Variants in FIP1L1 observed in about 807,000 individuals in gnomAD.
The protein encoded by FIP1L1 is pre-mRNA 3'-end-processing factor FIP1.
A neutral mutation model predicts 84.6 loss-of-function variants in FIP1L1; 21 were observed. The ratio of observed to expected loss-of-function variants is 0.25; its 90% CI spans 0.18 to 0.36. The LOEUF is 0.36. FIP1L1 is among the 10% of genes least tolerant of loss of function. The probability of loss-of-function intolerance (pLI) is 1.00; values close to 1 mark genes in which losing one functional copy is unlikely to be tolerated. For missense variants in FIP1L1, 526 were observed against 751.1 expected (o/e 0.70, Z 3.50); for synonymous variants, 263 against 242.3 (o/e 1.09, Z -0.80).
chr4:53,390,748 A>C (rs1743837392), intron 7 of FIP1L1, 120 bp downstream of exon 7: 1 of 666,596 alleles, frequency 1.5e-6, no homozygotes, highest in Non-Finnish European at 2.5e-6. Context: ...TCTTAAGCAA[A>C]TGATGAGTAA....
chr4:53,458,315 TAAC>T (rs1057339763), intron 16 of FIP1L1, among the ~76,000 whole-genome samples: 13 of 152,116 alleles, frequency 8.5e-5, no homozygotes, highest in Non-Finnish European at 1.6e-4. Context: ...TAAAAGCTGA[TAAC>T]AATTTAAATC....
At chr4:53,400,451 T>A (rs1749641452) in intron 10 of FIP1L1, among the ~76,000 whole-genome samples, 2 of 152,196 alleles carry the variant, frequency 1.3e-5, no homozygotes, top group African/African-American at 4.8e-5. Flanking sequence ...AGGCTAAGAC[T>A]AGCGAAGTTT....
intron 4 of FIP1L1, 60 bp from the exon 5 acceptor site, chr4:53,383,713 A>G: frequency 7.0e-7 from 1 of 1,438,280 alleles, no homozygotes; most frequent in Non-Finnish European, 9.3e-7. Flanking sequence ...TTTAGTTATT[A>G]GTATTAGATG....
chr4:53,426,565 T>C (rs546300858), intron 12 of FIP1L1, among the ~76,000 whole-genome samples: 1 of 152,064 alleles, frequency 6.6e-6, no homozygotes, highest in East Asian at 1.9e-4. Flanking sequence ...TGTATATAGG[T>C]TTACTGAATG....
intron 5 of FIP1L1, among the ~76,000 whole-genome samples, chr4:53,384,420 A>G (rs1739799334): frequency 6.6e-6 from 1 of 152,148 alleles, no homozygotes. Context: ...AGAAAAAGAA[A>G]AAAAAAAAGT....
intron 9 of FIP1L1, among the ~76,000 whole-genome samples, chr4:53,394,664 T>G (rs1490093900): frequency 6.6e-6 from 1 of 152,082 alleles, no homozygotes; most frequent in Non-Finnish European, 1.5e-5. Flanking sequence ...TTAATCTAAT[T>G]TCAAAGTTCT....
intron 13 of FIP1L1, among the ~76,000 whole-genome samples, chr4:53,432,516 T>G (rs1419545259): frequency 6.6e-6 from 1 of 152,062 alleles, no homozygotes; most frequent in Non-Finnish European, 1.5e-5. Flanking sequence ...ATAGTTTCCA[T>G]TGTATTAAGT....
intron 3 of FIP1L1, among the ~76,000 whole-genome samples, chr4:53,380,400 A>T (rs1427925757): frequency 2.0e-5 from 3 of 152,226 alleles, no homozygotes; most frequent in Non-Finnish European, 4.4e-5. Context: ...AGTGGTTACT[A>T]AGAGTTGGGT....
intron 5 of FIP1L1, among the ~76,000 whole-genome samples, chr4:53,385,894 T>G (rs571687989): frequency 6.6e-6 from 1 of 152,266 alleles, no homozygotes; most frequent in South Asian, 2.1e-4. Context: ...TCAAGGTATA[T>G]CCCTTGAAAA....
At chr4:53,411,789 A>G (rs1385755027) in intron 10 of FIP1L1, among the ~76,000 whole-genome samples, 1 of 152,166 alleles carries the variant, frequency 6.6e-6, no homozygotes, top group Non-Finnish European at 1.5e-5. Context: ...GTACCCATCA[A>G]ATTGGCACTG....
intron 13 of FIP1L1, among the ~76,000 whole-genome samples, chr4:53,433,943 G>GA (rs1209379722): frequency 6.6e-6 from 1 of 151,478 alleles, no homozygotes; most frequent in African/African-American, 2.4e-5. Context: ...TGATATATAG[G>GA]AATCGGGTCA....
At chr4:53,428,291 A>G (rs1384717301) in intron 13 of FIP1L1, 108 bp downstream of exon 13, 1 of 1,057,072 alleles carries the variant, frequency 9.5e-7, no homozygotes, top group East Asian at 2.6e-5. Context: ...ATTAAAAGTA[A>G]TAGATATAAT....
chr4:53,432,221 C>T (rs1767008392), intron 13 of FIP1L1, among the ~76,000 whole-genome samples: 1 of 151,578 alleles, frequency 6.6e-6, no homozygotes, highest in African/African-American at 2.4e-5. Flanking sequence ...CATGGTGAAA[C>T]TCCATCTTTA....
At chr4:53,405,364 C>G (rs1040336495) in intron 10 of FIP1L1, among the ~76,000 whole-genome samples, 2 of 152,140 alleles carry the variant, frequency 1.3e-5, no homozygotes. Context: ...TTCCAATGGT[C>G]TATATCTCTG....
At chr4:53,438,656 T>A (rs1368002890) in intron 13 of FIP1L1, among the ~76,000 whole-genome samples, 1 of 152,202 alleles carries the variant, frequency 6.6e-6, no homozygotes, top group Non-Finnish European at 1.5e-5. Flanking sequence ...TCCAGTAGAT[T>A]ATTTTTGTCT....
At chr4:53,398,180 A>C (rs1748415070) in intron 9 of FIP1L1, among the ~76,000 whole-genome samples, 1 of 152,116 alleles carries the variant, frequency 6.6e-6, no homozygotes, top group South Asian at 2.1e-4. Flanking sequence ...TCAATAAATG[A>C]TGTTTACATT....
At chr4:53,431,464 A>AT in intron 13 of FIP1L1, among the ~76,000 whole-genome samples, 2 of 152,294 alleles carry the variant, frequency 1.3e-5, no homozygotes, top group East Asian at 3.9e-4. Flanking sequence ...ATGGAAAAAC[A>AT]TTTTTTTAAA....
At chr4:53,407,724 A>T (rs192940677) in intron 10 of FIP1L1, among the ~76,000 whole-genome samples, 5 of 152,032 alleles carry the variant, frequency 3.3e-5, no homozygotes, top group Non-Finnish European at 7.4e-5. Flanking sequence ...CTTCTTGTTG[A>T]ATTGATCCCT....
chr4:53,383,946 C>T, intron 5 of FIP1L1, 70 bp downstream of exon 5: 2 of 1,376,458 alleles, frequency 1.5e-6, no homozygotes, highest in South Asian at 2.8e-5. Context: ...CTATATCAAA[C>T]TCTCAGTGGT....
Sources: gnomAD v4.1 joint callset for allele counts (sites outside exome capture counted in the v4.1 genomes callset) on GRCh38, gnomAD v4.1.1 for gene constraint, MANE v1.5 for transcripts, NCBI Gene and HGNC (gene_info 2026-07-23, HGNC 2026-07-21) for gene names.